Variants in IL6ST observed in about 807,000 individuals in gnomAD.
The protein encoded by IL6ST is interleukin 6 cytokine family signal transducer, also known as interleukin-6 receptor subunit beta.
IL6ST carries 24 observed loss-of-function variants against 91.3 expected under a neutral mutation model. The observed-to-expected ratio is 0.26, with a 90% CI of 0.19 to 0.37. The LOEUF is 0.37. IL6ST is among the 10% of genes least tolerant of loss of function. The pLI is 1.00. For synonymous variants in IL6ST, 351 were observed against 373.6 expected (o/e 0.94, Z 0.70); for missense variants, 914 against 1,078.5 (o/e 0.85, Z 2.14).
chr5:55,940,036 AAT>A lies in IL6ST; in HGVS notation c.*1044_*1045del. ...TGCCTACTTATTTAAAAATAAAAAAAATACTCAAAACAAATTTAAGCTGAAGA... is the reference window on the plus strand; with the variant it reads ...TGCCTACTTATTTAAAAATAAAAAAAACTCAAAACAAATTTAAGCTGAAGA... On this transcript the variant is annotated 3_prime_UTR_variant, in exon 17 of 17. Transcript: ENST00000381298. 1 of 197,594 alleles carries A rather than the reference AAT, an allele frequency of 5.1e-6. No homozygotes were observed. The highest frequency in any genetic ancestry group is 1.0e-5 in the Non-Finnish European group (1 of 96,104). The allele number at this position is 197,594 out of a possible 1,614,324, so 12.2% of individuals were successfully genotyped here.
In IL6ST at chr5:55,956,081, T is replaced by C; in HGVS notation, c.1211A>G (p.Asn404Ser). The C allele has an allele frequency of 6.2e-7, 1 of 1,613,828 alleles. No individual in the cohort carries two copies. Among genetic ancestry groups the C allele is most frequent in the Non-Finnish European group, 8.5e-7 (1 of 1,179,754 alleles). ...AGCTGCATCTGATTTGCCAACAAGA[T>C]TTCTTACTGTTAGGGTTGCTAGATA... is the stretch of plus-strand genomic sequence containing the variant. The part of the protein sequence containing the change: ...DRYLATLTVR[N>S]LVGKSDAAVL... Residue 404 changes from asparagine (N) to serine (S), a missense_variant, in exon 10 of 17, where the codon AAT becomes AGT. Physicochemically the swap from Asn to Ser is conservative, Grantham distance 46. Coordinates refer to ENST00000381298, the MANE Select transcript of IL6ST (RefSeq NM_002184.4).
At chr5:55,960,166 G>C (rs1430244910) in intron 8 of IL6ST, among the ~76,000 whole-genome samples, 1 of 152,132 alleles carries the variant, frequency 6.6e-6, no homozygotes, top group Non-Finnish European at 1.5e-5. Flanking sequence ...TTACAGGTGT[G>C]AGCCACCGCA....
rs1321318279 is a variant in IL6ST, at chr5:55,976,311, A to C, written c.-15-18T>G. ...GGATATTTCTGCAACAGACACATGTAATATTACTTTTAATATTTTTTCTCT... is the reference window on the plus strand; with the variant it reads ...GGATATTTCTGCAACAGACACATGTCATATTACTTTTAATATTTTTTCTCT... On this transcript the variant is annotated intron_variant, in intron 2 of 16. Transcript: ENST00000381298. 9.5e-6 allele frequency: 14 copies of C among 1,466,192 alleles called. No individual in the cohort carries two copies. Among genetic ancestry groups the C allele is most frequent in the African/African-American group, 1.4e-5 (1 of 70,026 alleles). The allele number at this position is 1,466,192 out of a possible 1,614,324, so 90.8% of individuals were successfully genotyped here. A position where few individuals can be genotyped will look rare whatever the true frequency, so the allele number is the denominator to read the frequency against.
chr5:55,936,023 C>T lies in IL6ST; in HGVS notation c.*5059G>A, dbSNP rs1028623327. On this transcript the variant is annotated 3_prime_UTR_variant, in exon 17 of 17. Transcript: ENST00000381298. ...AAAGCTGACATGTTATTTCTATAAA[C>T]TCTGGTATATATGTGAAGGAGTTAC... 5 of 226,182 alleles carry T rather than the reference C, an allele frequency of 2.2e-5. No homozygotes were observed. The highest frequency in any genetic ancestry group is 1.1e-4 in the African/African-American group (5 of 44,982). The allele number at this position is 226,182 out of a possible 1,614,324, so 14.0% of individuals were successfully genotyped here.
chr5:55,985,533 ATAT>A, intron 1 of IL6ST, among the ~76,000 whole-genome samples: 1 of 141,816 alleles, frequency 7.1e-6, no homozygotes, highest in African/African-American at 3.1e-5. Context: ...AAAAAAAAAA[ATAT>A]AAAAAATAAA....
chr5:55,975,359 CCTCA>C (rs1471775989), intron 3 of IL6ST, among the ~76,000 whole-genome samples: 1 of 152,106 alleles, frequency 6.6e-6, no homozygotes, highest in Non-Finnish European at 1.5e-5. Flanking sequence ...ATGTGAGATG[CCTCA>C]CTCCCCCTTT....
chr5:55,957,365 T>C (rs541478972), intron 8 of IL6ST, 74 bp from the exon 9 acceptor site: 9 of 771,048 alleles, frequency 1.2e-5, no homozygotes, highest in South Asian at 3.5e-5. Flanking sequence ...ATTATTCTTT[T>C]ACTTTGTTCT....
chr5:55,954,954 C>G lies in IL6ST; in HGVS notation c.1306G>C (p.Asp436His), dbSNP rs1455622719. 2 of 1,611,996 alleles carry G rather than the reference C, an allele frequency of 1.2e-6. No individual in the cohort carries two copies. The highest frequency in any genetic ancestry group is 4.5e-5 in the East Asian group (2 of 44,836). ...PVMDLKAFPK[D>H]NMLWVEWTTP... is the part of the protein sequence containing the mutation. ...GTCCATTCCACCCAAAGCATGTTATCTTTGGGGAATGCTTTAAGATCCATT... is the reference window on the plus strand; with the variant it reads ...GTCCATTCCACCCAAAGCATGTTATGTTTGGGGAATGCTTTAAGATCCATT... Residue 436 changes from aspartate (D) to histidine (H), a missense_variant, in exon 11 of 17, where the codon GAT (aspartate) becomes CAT (histidine). Coordinates refer to ENST00000381298, the MANE Select transcript of IL6ST (RefSeq NM_002184.4).
intron 5 of IL6ST, among the ~76,000 whole-genome samples, chr5:55,964,527 T>C (rs766093871): frequency 1.3e-5 from 2 of 152,226 alleles, no homozygotes; most frequent in Non-Finnish European, 2.9e-5. Flanking sequence ...TTCAAATTTG[T>C]AGTCTAAAAA....
chr5:55,958,901 A>G (rs1752144178), intron 8 of IL6ST, among the ~76,000 whole-genome samples: 1 of 152,074 alleles, frequency 6.6e-6, no homozygotes, highest in African/African-American at 2.4e-5. Context: ...AATTACAGAC[A>G]GCAAAACAGA....
chr5:55,947,619 AG>A, intron 14 of IL6ST, 30 bp from the exon 15 acceptor site: 1 of 1,063,628 alleles, frequency 9.4e-7, no homozygotes. Flanking sequence ...AAAAAAAAAG[AG>A]GTGTGATGGG....
intron 1 of IL6ST, among the ~76,000 whole-genome samples, chr5:55,986,736 G>T (rs1440180954): frequency 6.6e-6 from 1 of 151,848 alleles, no homozygotes; most frequent in Non-Finnish European, 1.5e-5. Flanking sequence ...GTTGCTTTAG[G>T]TTTATAGTGT....
At chr5:55,982,030 T>C (rs1204074300) in intron 2 of IL6ST, among the ~76,000 whole-genome samples, 3 of 152,084 alleles carry the variant, frequency 2.0e-5, no homozygotes, top group African/African-American at 4.8e-5. Context: ...AAATGATTTA[T>C]TTAAAATAGA....
In IL6ST at chr5:55,940,141, A is replaced by G. The variant is rs62363871; in HGVS notation, c.*941T>C. ...GTCAATGATATGTGTGTGTATATAT[A>G]TATATATATATACACACATTAGCAA... is the stretch of plus-strand genomic sequence containing the variant. On this transcript the variant is annotated 3_prime_UTR_variant, in exon 17 of 17. Coordinates refer to ENST00000381298, the MANE Select transcript of IL6ST (RefSeq NM_002184.4). The G allele has an allele frequency of 6.6e-5, 4 of 60,274 alleles. No individual in the cohort carries two copies. Among genetic ancestry groups the G allele is most frequent in the African/African-American group, 1.7e-4 (2 of 11,622 alleles). 3.7% of individuals were successfully genotyped at this position (60,274 alleles called of 1,614,324 possible).
chr5:55,992,926 T>C lies in IL6ST; in HGVS notation c.-104+1858A>G, dbSNP rs368445104. On this transcript the variant is annotated intron_variant, in intron 1 of 16. Coordinates refer to ENST00000381298, the MANE Select transcript of IL6ST (RefSeq NM_002184.4). ...TTGTCAATCCAATTATTATAAACTC[T>C]TTGAAGGTCCTGATTACATCTCCTG... Among the ~76,000 whole-genome samples the C allele has an allele frequency of 2.5e-4, 38 of 152,366 alleles. No individual in the cohort carries two copies. In the East Asian group the frequency reaches 7.1e-3, roughly 29 times the overall value.
chr5:55,959,845 A>G (rs1307814146), intron 8 of IL6ST, among the ~76,000 whole-genome samples: 1 of 152,110 alleles, frequency 6.6e-6, no homozygotes, highest in Non-Finnish European at 1.5e-5. Flanking sequence ...ATCAACAGTT[A>G]ACGGTTTTCT....
At position 55,991,291 on chromosome 5, in the gene IL6ST, A is replaced by T. The variant is rs536314459; in HGVS notation, c.-104+3493T>A. 2.3e-4 allele frequency among the ~76,000 whole-genome samples: 35 copies of T among 152,350 alleles called. No homozygotes were observed. The South Asian group carries it at 3.3e-3, about 14-fold the overall frequency. On this transcript the variant is annotated intron_variant, in intron 1 of 16. Coordinates refer to ENST00000381298, the MANE Select transcript of IL6ST (RefSeq NM_002184.4). ...ATGAATGCCCACACACTTTTTAAAA[A>T]GTCACAAGGACTTACCATTTTTCCC...
intron 2 of IL6ST, among the ~76,000 whole-genome samples, chr5:55,981,495 T>C (rs146014829): frequency 3.3e-5 from 5 of 152,084 alleles, no homozygotes; most frequent in Middle Eastern, 3.4e-3. Flanking sequence ...ATACAAAAAT[T>C]AGCCGGGCAT....
chr5:55,965,244 CTGT>C (rs999885699), intron 5 of IL6ST, among the ~76,000 whole-genome samples: 2 of 151,982 alleles, frequency 1.3e-5, no homozygotes, highest in East Asian at 1.9e-4. Context: ...GGTGCTAATA[CTGT>C]TGTTATTATT....
Sources: gnomAD v4.1 joint callset for allele counts (sites outside exome capture counted in the v4.1 genomes callset) on GRCh38, gnomAD v4.1.1 for gene constraint, MANE v1.5 for transcripts, NCBI Gene and HGNC (gene_info 2026-07-23, HGNC 2026-07-21) for gene names.